GRTP1: variants seen among roughly 807,000 people sequenced by gnomAD.
GRTP1 encodes growth hormone regulated TBC protein 1.
GRTP1 carries 56 observed loss-of-function variants against 38.1 expected under a neutral mutation model. The observed-to-expected ratio is 1.47, with a 90% CI of 1.19 to 1.84. GRTP1 has a LOEUF of 1.84. Ranked by LOEUF, GRTP1 falls within the 40% of genes most tolerant of loss-of-function variation. The pLI, the probability that GRTP1 is intolerant of heterozygous loss-of-function variation, is 0.00. For missense variants in GRTP1, 506 were observed against 453.9 expected, an observed-to-expected ratio of 1.11 and a Z score of -1.04; for synonymous variants, 217 against 189.5, an observed-to-expected ratio of 1.14 and a Z score of -1.19.
chr13:113,341,699 A>G (rs1160950286), intron 5 of GRTP1, among the ~76,000 whole-genome samples: 1 of 152,164 alleles, frequency 6.6e-6, no homozygotes, highest in Non-Finnish European at 1.5e-5. Flanking sequence ...CTTCATGTGT[A>G]TGTTTATATC....
chr13:113,353,314 C>T (rs1208774294), intron 3 of GRTP1, among the ~76,000 whole-genome samples: 1 of 152,264 alleles, frequency 6.6e-6, no homozygotes, highest in Non-Finnish European at 1.5e-5. Context: ...CATACCCAGG[C>T]TCACGGCCAT....
intron 2 of GRTP1, among the ~76,000 whole-genome samples, chr13:113,361,052 G>C (rs1024135520): frequency 2.0e-5 from 3 of 147,736 alleles, no homozygotes; most frequent in African/African-American, 7.5e-5. Flanking sequence ...AGAGGTTGCA[G>C]TGAGCCGAGA....
rs2043078986 is a variant in GRTP1, at chr13:113,344,933, C to G, written c.492G>C (p.Leu164=). ...CQGMNFIAGY[L]ILITNNEEES... ...CTTCTTCATTATTTGTTATAAGAAT[C>G]AGATATCCTGCTATAAAATTCATTC... Residue 164 remains leucine (L), a synonymous_variant, in exon 5 of 8, where the codon CTG becomes CTC. Coordinates refer to ENST00000375431, the MANE Select transcript of GRTP1 (RefSeq NM_024719.4). 1 of 1,598,852 alleles carries G rather than the reference C, an allele frequency of 6.3e-7. No homozygotes were observed. The highest frequency in any genetic ancestry group is 8.5e-7 in the Non-Finnish European group (1 of 1,174,418).
intron 4 of GRTP1, 118 bp from the exon 5 acceptor site, chr13:113,345,077 G>T (rs2043081143): frequency 5.4e-6 from 6 of 1,107,412 alleles, no homozygotes; most frequent in Non-Finnish European, 7.4e-6. Flanking sequence ...CTTAAAACCT[G>T]CATAATTGCA....
At position 113,349,507 on chromosome 13, in the gene GRTP1, C is replaced by T. The variant is rs544130939; in HGVS notation, c.465+1342G>A. ...ATTCTACCTCAACTCCAGAAGGCCA[C>T]GTTCTTGCTCCTGGACAGTCATAAA... On this transcript the variant is annotated intron_variant, in intron 4 of 7. Transcript: ENST00000375431. This position sits in a 1 kb window ranked among gnomAD's most constrained non-coding sequence, Gnocchi z 5.0. 3.3e-5 allele frequency among the ~76,000 whole-genome samples: 5 copies of T among 152,334 alleles called. No individual in the cohort carries two copies. In the East Asian group the frequency reaches 5.8e-4, roughly 18 times the overall value.
At chr13:113,345,339 A>G (rs1222840501) in intron 4 of GRTP1, among the ~76,000 whole-genome samples, 4 of 152,376 alleles carry the variant, frequency 2.6e-5, no homozygotes, top group Non-Finnish European at 5.9e-5. Flanking sequence ...CAATGACCAC[A>G]TTTTATAAAA....
chr13:113,333,522 T>A (rs932816572), intron 5 of GRTP1, among the ~76,000 whole-genome samples: 1 of 152,194 alleles, frequency 6.6e-6, no homozygotes. Context: ...TTTATTTTTT[T>A]GAGATAGGGT....
intron 5 of GRTP1, among the ~76,000 whole-genome samples, chr13:113,335,673 TTTCA>T (rs2042945312): frequency 6.6e-6 from 1 of 152,078 alleles, no homozygotes; most frequent in African/African-American, 2.4e-5. Flanking sequence ...CCTCCATGAG[TTTCA>T]TTTTTATTTA....
At chr13:113,324,899 T>G (rs1020470435) in intron 7 of GRTP1, 2 of 745,504 alleles carry the variant, frequency 2.7e-6, no homozygotes, top group Admixed American at 1.1e-4. Flanking sequence ...CGATCTCGGC[T>G]CACTGCAACC....
intron 5 of GRTP1, 33 bp downstream of exon 5, chr13:113,344,830 A>C (rs546893370): frequency 1.9e-6 from 3 of 1,575,894 alleles, no homozygotes; most frequent in South Asian, 1.2e-5. Context: ...GAAACAGGAC[A>C]GTTCGGGCAT....
intron 4 of GRTP1, among the ~76,000 whole-genome samples, chr13:113,345,910 C>T (rs1484902362): frequency 3.3e-5 from 5 of 151,726 alleles, no homozygotes; most frequent in Non-Finnish European, 7.4e-5. Context: ...TGGGAAGAAC[C>T]GACTGCTTCG....
In GRTP1 at chr13:113,324,249, A is replaced by G; in HGVS notation, c.*239T>C. 1 of 471,010 alleles carries G rather than the reference A, an allele frequency of 2.1e-6. No homozygotes were observed. The highest frequency in any genetic ancestry group is 3.5e-6 in the Non-Finnish European group (1 of 283,142). 29.2% of individuals were successfully genotyped at this position (471,010 alleles called of 1,614,324 possible). On this transcript the variant is annotated 3_prime_UTR_variant, in exon 8 of 8. Transcript: ENST00000375431. ...ACAAACCCACACTCACATTTTATAT[A>G]TTATTGATCTCTCAGGTAAAAATAA...
chr13:113,333,928 A>G (rs1242132827), intron 5 of GRTP1, among the ~76,000 whole-genome samples: 1 of 149,086 alleles, frequency 6.7e-6, no homozygotes, highest in Admixed American at 6.8e-5. Flanking sequence ...TCCACCTTCC[A>G]GGTTCAAGCA....
At chr13:113,360,342 A>G (rs1032839890) in intron 2 of GRTP1, 5 of 152,224 alleles carry the variant, frequency 3.3e-5, no homozygotes, top group Non-Finnish European at 7.3e-5. Flanking sequence ...GATCAGGCAG[A>G]ATACATAATA....
chr13:113,340,970 T>C (rs924617354), intron 5 of GRTP1, among the ~76,000 whole-genome samples: 1 of 152,104 alleles, frequency 6.6e-6, no homozygotes, highest in African/African-American at 2.4e-5. Context: ...GTCTCTTCAT[T>C]TTTTTCTTTT....
At chr13:113,330,159 G>A (rs943720795) in intron 5 of GRTP1, among the ~76,000 whole-genome samples, 10 of 150,010 alleles carry the variant, frequency 6.7e-5, no homozygotes, top group African/African-American at 2.3e-4. Context: ...AAACTCAGGT[G>A]CGTGCATGGG....
At chr13:113,333,913 C>T (rs1278662304) in intron 5 of GRTP1, among the ~76,000 whole-genome samples, 1 of 147,942 alleles carries the variant, frequency 6.8e-6, no homozygotes, top group African/African-American at 2.5e-5. Flanking sequence ...TGGTTCACTG[C>T]AGCCTCCACC....
At position 113,346,176 on chromosome 13, in the gene GRTP1, G is replaced by A. The variant is rs1208297502; in HGVS notation, c.466-1217C>T. Among the ~76,000 whole-genome samples the A allele has an allele frequency of 2.6e-3, 345 of 130,734 alleles. 7 individuals carry two copies. The highest frequency in any genetic ancestry group is 8.8e-3 in the African/African-American group (279 of 31,580). 85.8% of individuals were successfully genotyped at this position (130,734 alleles called of 152,430 possible). The stretch of plus-strand genomic sequence containing the variant: ...GACCTCTGTGCCTGACAGTGGACCC[G>A]GGAGGACCTCTGTGGCTGAGAGCAG... On this transcript the variant is annotated intron_variant, in intron 4 of 7. Coordinates refer to ENST00000375431, the MANE Select transcript of GRTP1 (RefSeq NM_024719.4).
At chr13:113,325,271 C>T in intron 7 of GRTP1, 1 of 1,262,678 alleles carries the variant, frequency 7.9e-7, no homozygotes, top group Non-Finnish European at 1.0e-6. Context: ...GGCGTCTTGG[C>T]TTCCTCAGAA....
Sources: allele counts gnomAD v4.1 joint callset (sites outside exome capture counted in the v4.1 genomes callset), GRCh38; gene constraint gnomAD v4.1.1; non-coding constraint Gnocchi (gnomAD v3.1); transcripts MANE v1.5; gene names NCBI Gene and HGNC (gene_info 2026-07-23, HGNC 2026-07-21).